WASL: variants seen among roughly 807,000 people sequenced by gnomAD.
WASL encodes WASP like actin nucleation promoting factor.
Under a neutral mutation model 55.5 loss-of-function variants are expected in WASL, and 20 were observed. The ratio of observed to expected loss-of-function variants is 0.36; its 90% confidence interval spans 0.25 to 0.52. WASL has a LOEUF of 0.52. Ranked by LOEUF, WASL falls within the 20% of genes least tolerant of loss-of-function variation. The probability of loss-of-function intolerance (pLI) is 0.92; values close to 1 mark genes in which losing one functional copy is unlikely to be tolerated. For missense variants in WASL, 504 were observed against 622.5 expected (o/e 0.81, Z 2.03); for synonymous variants, 249 against 217.6 (o/e 1.14, Z -1.27).
chr7:123,711,650 A>G (rs568046805), intron 1 of WASL, among the ~76,000 whole-genome samples: 1 of 152,308 alleles, frequency 6.6e-6, no homozygotes, highest in South Asian at 2.1e-4. Flanking sequence ...GACAATATAA[A>G]AACAGTCACT....
At position 123,748,962 on chromosome 7, in the gene WASL, G is replaced by A. The variant is rs921344700; in HGVS notation, c.-228C>T. 5 of 555,468 alleles carry A rather than the reference G, an allele frequency of 9.0e-6. No homozygotes were observed. Among genetic ancestry groups the A allele is most frequent in the African/African-American group, 7.9e-5 (4 of 50,646 alleles). The allele number at this position is 555,468 out of a possible 1,614,324, so 34.4% of individuals were successfully genotyped here. On this transcript the variant is annotated 5_prime_UTR_variant, in exon 1 of 11. Coordinates refer to ENST00000223023, the MANE Select transcript of WASL (RefSeq NM_003941.4). ...AAGCTCCCGGCACCCGCCCGGCCAG[G>A]CTAGGGCCGGATGGTCGTTGTCCTC...
chr7:123,706,025 TTAAGG>T (rs1210907364), intron 4 of WASL, among the ~76,000 whole-genome samples: 2 of 152,166 alleles, frequency 1.3e-5, no homozygotes, highest in African/African-American at 4.8e-5. Context: ...ATTATTTATT[TTAAGG>T]TAAGGACCAC....
At chr7:123,738,317 A>C (rs935752011) in intron 1 of WASL, among the ~76,000 whole-genome samples, 4 of 152,216 alleles carry the variant, frequency 2.6e-5, no homozygotes, top group Admixed American at 1.3e-4. Flanking sequence ...CCATGTTTCT[A>C]GCAAATTAAA....
chr7:123,728,779 T>G (rs986133989), intron 1 of WASL, among the ~76,000 whole-genome samples: 1 of 145,314 alleles, frequency 6.9e-6, no homozygotes, highest in South Asian at 2.2e-4. Context: ...GAGTTTGCAG[T>G]GAGCTGAACT....
intron 9 of WASL, 132 bp from the exon 10 acceptor site, chr7:123,689,282 G>A: frequency 1.6e-6 from 1 of 632,668 alleles, no homozygotes; most frequent in Non-Finnish European, 2.7e-6. Flanking sequence ...GCAAGCGCAG[G>A]ACAAGATTAA....
At chr7:123,695,107 C>T (rs1179822115) in intron 7 of WASL, among the ~76,000 whole-genome samples, 1 of 152,010 alleles carries the variant, frequency 6.6e-6, no homozygotes, top group Admixed American at 6.6e-5. Flanking sequence ...TTCTATTAGC[C>T]TATTCATGAT....
intron 1 of WASL, among the ~76,000 whole-genome samples, chr7:123,727,353 T>TCA (rs150375537): frequency 0.13 from 18,616 of 147,732 alleles, 1,349 homozygotes; most frequent in East Asian, 0.29. Flanking sequence ...AAAATATGTG[T>TCA]CACACACACA....
rs527876668 is a variant in WASL at position 123,748,709 on chromosome 7, G to T, written c.26C>A (p.Pro9Gln). Residue 9 changes from proline (P) to glutamine (Q), a missense_variant, in exon 1 of 11, where the codon CCG (proline) becomes CAG (glutamine). This residue lies in a region of WASL where 230 missense variants were observed against 271.9 expected (regional missense o/e 0.85). Coordinates refer to ENST00000223023, the MANE Select transcript of WASL (RefSeq NM_003941.4). The part of the protein sequence containing the change: MSSVQQQP[P>Q]PPRRVTNVGS... ...CACGTTGGTGACCCTCCGCGGCGGC[G>T]GCGGCTGCTGCTGGACGGAGCTCAT... The T allele has an allele frequency of 2.0e-5, 32 of 1,606,826 alleles. No homozygotes were observed. In the South Asian group the frequency reaches 2.8e-4, roughly 14 times the overall value.
intron 5 of WASL, among the ~76,000 whole-genome samples, chr7:123,699,581 A>G (rs1803545868): frequency 6.6e-6 from 1 of 152,218 alleles, no homozygotes; most frequent in Admixed American, 6.5e-5. Context: ...ACACAGTTGG[A>G]TAAAGTTAAG....
At chr7:123,697,025 A>T (rs1403491526) in intron 5 of WASL, among the ~76,000 whole-genome samples, 1 of 152,096 alleles carries the variant, frequency 6.6e-6, no homozygotes, top group Non-Finnish European at 1.5e-5. Context: ...ATTTAAATAT[A>T]ATTAGTCTAA....
chr7:123,748,545 C>T, intron 1 of WASL, 73 bp downstream of exon 1: 1 of 1,536,580 alleles, frequency 6.5e-7, no homozygotes, highest in South Asian at 1.1e-5. Flanking sequence ...CTTCCCCACT[C>T]CCACTTCCCG....
chr7:123,726,154 A>C (rs926863852), intron 1 of WASL, among the ~76,000 whole-genome samples: 14 of 152,188 alleles, frequency 9.2e-5, no homozygotes, highest in African/African-American at 3.4e-4. Context: ...ATAAGGATGG[A>C]AAAACAAATG....
chr7:123,714,690 A>C (rs1261660500), intron 1 of WASL, among the ~76,000 whole-genome samples: 1 of 152,218 alleles, frequency 6.6e-6, no homozygotes, highest in Non-Finnish European at 1.5e-5. Context: ...AATGAAAATG[A>C]GGGCAAATAC....
At position 123,699,156 on chromosome 7, in the gene WASL, C is replaced by T. The variant is rs913788668; in HGVS notation, c.461-2409G>A. Among the ~76,000 whole-genome samples the T allele has an allele frequency of 6.6e-5, 10 of 152,122 alleles. No homozygotes were observed. In the East Asian group the frequency reaches 1.2e-3, roughly 18 times the overall value. The stretch of plus-strand genomic sequence containing the variant: ...ATCCCAGCACTTTGGAAGGCCAAGG[C>T]GGGCAGATCATGAGGTCAGGAGTTC... On this transcript the variant is annotated intron_variant, in intron 5 of 10. Coordinates refer to ENST00000223023, the MANE Select transcript of WASL (RefSeq NM_003941.4).
chr7:123,693,176 A>G (rs1306006109), intron 8 of WASL, among the ~76,000 whole-genome samples: 2 of 152,236 alleles, frequency 1.3e-5, no homozygotes, highest in African/African-American at 4.8e-5. Flanking sequence ...TTTACAAAAT[A>G]ATAACAAAAT....
chr7:123,690,412 T>G (rs1803389016), intron 9 of WASL, among the ~76,000 whole-genome samples: 1 of 152,152 alleles, frequency 6.6e-6, no homozygotes, highest in African/African-American at 2.4e-5. Context: ...CTCAAAAAAT[T>G]TAAAGAAACA....
intron 2 of WASL, among the ~76,000 whole-genome samples, chr7:123,708,540 C>T (rs902046859): frequency 6.6e-6 from 1 of 151,812 alleles, no homozygotes; most frequent in Non-Finnish European, 1.5e-5. Context: ...ACAAGGTATT[C>T]AATCTATAAC....
intron 9 of WASL, among the ~76,000 whole-genome samples, chr7:123,691,821 C>G (rs1162849638): frequency 1.3e-5 from 2 of 152,146 alleles, no homozygotes; most frequent in Admixed American, 1.3e-4. Flanking sequence ...AACATGAAAA[C>G]TTTGGAACAT....
intron 7 of WASL, 135 bp downstream of exon 7, chr7:123,695,688 G>T: frequency 2.6e-6 from 2 of 780,782 alleles, no homozygotes; most frequent in Non-Finnish European, 4.1e-6. Context: ...TTAAACCTCA[G>T]TTGTATACAT....
Sources: gnomAD v4.1 joint callset for allele counts (sites outside exome capture counted in the v4.1 genomes callset) on GRCh38, gnomAD v4.1.1 for gene constraint, gnomAD v4.1.1 regional missense constraint, MANE v1.5 for transcripts, NCBI Gene and HGNC (gene_info 2026-07-23, HGNC 2026-07-21) for gene names.